Variants in IGF2R observed in about 807,000 individuals in gnomAD.
IGF2R encodes the protein cation-independent mannose-6-phosphate receptor.
IGF2R carries 91 observed loss-of-function variants against 270.6 expected under a neutral mutation model. The observed-to-expected ratio is 0.34, with a 90% CI of 0.28 to 0.40. The LOEUF (loss-of-function observed/expected upper bound fraction) is 0.40, where lower values mean the gene tolerates loss of function less well. Among genes scored for constraint, IGF2R ranks in the 10% least tolerant of loss-of-function variants. The pLI is 1.00. For missense variants in IGF2R, 2,805 were observed against 3,188.3 expected, an observed-to-expected ratio of 0.88 and a Z score of 2.90; for synonymous variants, 1,316 against 1,258.9, an observed-to-expected ratio of 1.05 and a Z score of -0.96.
chr6:160,066,054 G>A (rs371413515), intron 29 of IGF2R, among the ~76,000 whole-genome samples: 14 of 137,956 alleles, frequency 1.0e-4, no homozygotes, highest in East Asian at 2.1e-4. Context: ...TTGCACTGTC[G>A]CCCAGGCTGG....
intron 25 of IGF2R, among the ~76,000 whole-genome samples, chr6:160,062,168 A>ATTTTTTTTTTTT (rs34356477): frequency 4.7e-5 from 5 of 106,620 alleles, no homozygotes; most frequent in East Asian, 3.1e-4. Flanking sequence ...CATTTATTTA[A>ATTTTTTTTTTTT]TTTTTTTTTT....
At chr6:159,973,984 CAG>C (rs1481302837) in intron 1 of IGF2R, among the ~76,000 whole-genome samples, 1 of 152,188 alleles carries the variant, frequency 6.6e-6, no homozygotes, top group Non-Finnish European at 1.5e-5. Context: ...GTCCTAGCCA[CAG>C]AGAGCTCTTG....
intron 2 of IGF2R, among the ~76,000 whole-genome samples, chr6:159,992,546 T>G (rs1177819043): frequency 6.6e-6 from 1 of 152,124 alleles, no homozygotes; most frequent in Non-Finnish European, 1.5e-5. Context: ...ACATGTGATT[T>G]CATTCTTTTT....
Position 159,991,287 on chromosome 6 carries a change from A to G in IGF2R, c.253A>G (p.Met85Val), listed in dbSNP as rs1583245898. ...VQCGPSSAVC[M>V]HDLKTRTYHS... ...GTGCGGGCCATCAAGTGCTGTTTGT[A>G]TGCACGACTTGAAGACACGCACTTA... is the stretch of plus-strand genomic sequence containing the variant. The change falls in exon 2 of 48, where the codon ATG becomes GTG. Residue 85 changes from methionine to valine, a missense_variant. Transcript: ENST00000356956. 3 of 1,613,790 alleles carry G rather than the reference A, an allele frequency of 1.9e-6. No individual in the cohort carries two copies. Among genetic ancestry groups the G allele is most frequent in the East Asian group, 4.5e-5 (2 of 44,870 alleles).
In IGF2R at chr6:160,010,872, G is replaced by A. The variant is rs8191743; in HGVS notation, c.513+87G>A. 1,963 of 755,422 alleles carry A rather than the reference G, an allele frequency of 2.6e-3. 2 individuals carry two copies. The highest frequency in any genetic ancestry group is 3.6e-3 in the Non-Finnish European group (1,631 of 455,628). 46.8% of individuals were successfully genotyped at this position (755,422 alleles called of 1,614,324 possible). On this transcript the variant is annotated intron_variant, in intron 4 of 47. Transcript: ENST00000356956. ...AATACTGATTCTAACCTTTCCGGGT[G>A]AAAATCTTTTTTAGCTTCCAAATTG...
intron 1 of IGF2R, among the ~76,000 whole-genome samples, chr6:159,979,973 C>G (rs1443564707): frequency 6.6e-6 from 1 of 152,014 alleles, no homozygotes; most frequent in Non-Finnish European, 1.5e-5. Flanking sequence ...GGGTGGATCA[C>G]GAGGTCAGGA....
In IGF2R at chr6:160,004,609, G is replaced by C. The variant is rs1002196860; in HGVS notation, c.290-4401G>C. On this transcript the variant is annotated intron_variant, in intron 2 of 47. Coordinates refer to ENST00000356956, the MANE Select transcript of IGF2R (RefSeq NM_000876.4). The surrounding 1 kb of genome is among the most constrained non-coding windows in gnomAD (Gnocchi z 5.2). ...TGGGTGGTGTGGCCTGGCTGGCACCGAGGTCCCTGCGGATTCTGGAGAACC... is the reference window on the plus strand; with the variant it reads ...TGGGTGGTGTGGCCTGGCTGGCACCCAGGTCCCTGCGGATTCTGGAGAACC... 6.5e-6 allele frequency: 1 copy of C among 154,142 alleles called. No individual in the cohort carries two copies. Among genetic ancestry groups the C allele is most frequent in the Non-Finnish European group, 1.4e-5 (1 of 69,582 alleles). 9.5% of individuals were successfully genotyped at this position (154,142 alleles called of 1,614,324 possible).
chr6:159,984,990 C>T (rs1023435928), intron 1 of IGF2R, among the ~76,000 whole-genome samples: 5 of 152,144 alleles, frequency 3.3e-5, no homozygotes, highest in Non-Finnish European at 5.9e-5. Context: ...TATCCGAAAC[C>T]GTATTCCTGG....
intron 11 of IGF2R, 119 bp downstream of exon 11, chr6:160,040,843 C>A: frequency 1.0e-6 from 1 of 991,908 alleles, no homozygotes; most frequent in South Asian, 1.6e-5. Context: ...ACAGCCCTCC[C>A]CCAGTTTTTT....
intron 45 of IGF2R, 123 bp downstream of exon 45, chr6:160,096,748 G>GA: frequency 1.3e-6 from 1 of 789,920 alleles, no homozygotes; most frequent in South Asian, 2.1e-5. Flanking sequence ...AAAAAATAGA[G>GA]AAAATGATAG....
chr6:159,978,262 C>T (rs1334433060), intron 1 of IGF2R, among the ~76,000 whole-genome samples: 1 of 152,174 alleles, frequency 6.6e-6, no homozygotes, highest in African/African-American at 2.4e-5. Flanking sequence ...ATCCCAAATT[C>T]TGCAGTTCTG....
chr6:160,024,194 C>T (rs1345185266), intron 4 of IGF2R, among the ~76,000 whole-genome samples: 1 of 150,272 alleles, frequency 6.7e-6, no homozygotes, highest in Non-Finnish European at 1.5e-5. Flanking sequence ...CGTGTAGGGA[C>T]AATTGAAGAA....
intron 1 of IGF2R, among the ~76,000 whole-genome samples, chr6:159,970,423 T>C (rs1783592468): frequency 1.3e-5 from 2 of 151,788 alleles, no homozygotes; most frequent in South Asian, 4.1e-4. Flanking sequence ...TGGGCTGAAC[T>C]TGGAGTTTGT....
chr6:160,041,633 T>C (rs545581776), intron 11 of IGF2R, among the ~76,000 whole-genome samples: 21 of 152,338 alleles, frequency 1.4e-4, no homozygotes, highest in African/African-American at 5.1e-4. Flanking sequence ...GTGACAGCAC[T>C]GCTGCTCCTG....
intron 36 of IGF2R, among the ~76,000 whole-genome samples, chr6:160,076,596 G>T (rs563732023): frequency 6.6e-6 from 1 of 152,270 alleles, no homozygotes; most frequent in African/African-American, 2.4e-5. Flanking sequence ...TATTCCACAG[G>T]GACTCAGAGT....
chr6:160,016,964 G>A (rs1777313721), intron 4 of IGF2R, among the ~76,000 whole-genome samples: 1 of 152,216 alleles, frequency 6.6e-6, no homozygotes, highest in South Asian at 2.1e-4. Context: ...TGAAAAAGCA[G>A]GGTGTTATAG....
rs148792028 is a variant in IGF2R at position 160,097,581 on chromosome 6, T to C, written c.6842+956T>C. On this transcript the variant is annotated intron_variant, in intron 45 of 47. Coordinates refer to ENST00000356956, the MANE Select transcript of IGF2R (RefSeq NM_000876.4). The stretch of plus-strand genomic sequence containing the variant: ...CTCACCTCAGATAATCTGCCTGCCT[T>C]GGCCTCCCAAAGTGCTGGCATTACA... 4.8e-3 allele frequency among the ~76,000 whole-genome samples: 729 copies of C among 152,346 alleles called. 11 individuals carry two copies. Among genetic ancestry groups the C allele is most frequent in the Non-Finnish European group, 8.3e-3 (568 of 68,028 alleles).
intron 4 of IGF2R, among the ~76,000 whole-genome samples, chr6:160,015,623 C>A (rs1272657564): frequency 6.6e-6 from 1 of 152,190 alleles, no homozygotes; most frequent in African/African-American, 2.4e-5. Context: ...GGCCTCAGAG[C>A]CATGGTTTCT....
Position 159,970,677 on chromosome 6 carries a change from C to T in IGF2R, c.149+1282C>T, listed in dbSNP as rs3822848. ...GCTACCCTAAGATACATAGTTACTCCAGTAACTAGTATGATACAGAGAAAT... is the reference window on the plus strand; with the variant it reads ...GCTACCCTAAGATACATAGTTACTCTAGTAACTAGTATGATACAGAGAAAT... On this transcript the variant is annotated intron_variant, in intron 1 of 47. Coordinates refer to ENST00000356956, the MANE Select transcript of IGF2R (RefSeq NM_000876.4). Among the ~76,000 whole-genome samples the T allele has an allele frequency of 8.7e-3, 1,329 of 152,304 alleles. 53 individuals are homozygous for T. The East Asian group carries it at 0.099, about 11-fold the overall frequency.
Sources: gnomAD v4.1 joint callset for allele counts (sites outside exome capture counted in the v4.1 genomes callset) on GRCh38, gnomAD v4.1.1 for gene constraint, Gnocchi (gnomAD v3.1) non-coding constraint, MANE v1.5 for transcripts, NCBI Gene and HGNC (gene_info 2026-07-23, HGNC 2026-07-21) for gene names.